The following SLC49A4 variants were observed in gnomAD, a reference collection of about 807,000 sequenced individuals.
The protein encoded by SLC49A4 is disrupted in renal cancer protein 2.
A neutral mutation model predicts 50.6 loss-of-function variants in SLC49A4; 36 were observed. The observed-to-expected ratio is 0.71, with a 90% confidence interval of 0.55 to 0.94. SLC49A4 has a LOEUF of 0.94. SLC49A4 is among the 40% of genes least tolerant of loss of function. The pLI is 0.00. For missense variants in SLC49A4, 503 were observed against 605.7 expected, an observed-to-expected ratio of 0.83 and a Z score of 1.78; for synonymous variants, 248 against 241.2, an observed-to-expected ratio of 1.03 and a Z score of -0.26.
At chr3:122,844,986 T>C (rs1296025464) in intron 4 of SLC49A4, among the ~76,000 whole-genome samples, 1 of 152,120 alleles carries the variant, frequency 6.6e-6, no homozygotes, top group Admixed American at 6.6e-5. Context: ...ACTTTTAGGC[T>C]CAGGGTACGT....
rs758995015 is a variant in SLC49A4 at position 122,872,600 on chromosome 3, A to G, written c.1321+3A>G. On this transcript the variant is annotated splice_donor_region_variant and intron_variant, in intron 8 of 8. Transcript: ENST00000261038. ...TTTTCTCACATTTTATCATACAGGT[A>G]AGAAATTTGATTTTTTATTTACTAT... is the stretch of plus-strand genomic sequence containing the variant. 2 of 1,564,998 alleles carry G rather than the reference A, an allele frequency of 1.3e-6. No individual in the cohort carries two copies. Among genetic ancestry groups the G allele is most frequent in the African/African-American group, 1.4e-5 (1 of 72,520 alleles).
At chr3:122,804,250 A>G (rs1576290067) in intron 1 of SLC49A4, among the ~76,000 whole-genome samples, 1 of 152,310 alleles carries the variant, frequency 6.6e-6, no homozygotes, top group Non-Finnish European at 1.5e-5. Context: ...CACACTTTTA[A>G]TGGGCCAGAT....
At chr3:122,796,579 A>G (rs78950981) in intron 1 of SLC49A4, among the ~76,000 whole-genome samples, 7,672 of 152,310 alleles carry the variant, frequency 0.05, 264 homozygotes, top group Middle Eastern at 0.11. Context: ...TCACTATAAC[A>G]TAAGATGGAA....
At chr3:122,799,457 A>G (rs1408546790) in intron 1 of SLC49A4, among the ~76,000 whole-genome samples, 2 of 152,198 alleles carry the variant, frequency 1.3e-5, no homozygotes, top group Admixed American at 6.5e-5. Context: ...AGAAAGAGCA[A>G]TAAGGCCTTT....
intron 2 of SLC49A4, among the ~76,000 whole-genome samples, chr3:122,812,815 T>G (rs969822344): frequency 6.6e-6 from 1 of 152,228 alleles, no homozygotes; most frequent in African/African-American, 2.4e-5. Flanking sequence ...TCTGTTTGCC[T>G]TAATTTGACT....
intron 1 of SLC49A4, among the ~76,000 whole-genome samples, chr3:122,802,409 G>T (rs889412517): frequency 6.6e-6 from 1 of 152,096 alleles, no homozygotes; most frequent in Non-Finnish European, 1.5e-5. Context: ...CAACAGAGGA[G>T]GAAACTTTAC....
intron 7 of SLC49A4, among the ~76,000 whole-genome samples, chr3:122,871,049 A>AT: frequency 1.3e-5 from 2 of 152,246 alleles, no homozygotes; most frequent in Middle Eastern, 6.8e-3. Context: ...ATTATGTCAC[A>AT]TTTTAAATGG....
Position 122,872,892 on chromosome 3 carries a change from C to G in SLC49A4, c.1321+295C>G, listed in dbSNP as rs568307090. ...ATTTTTAAAATCCTCCCCACCCCCA[C>G]GCCTTACCCTACCAGGTGATTCAAA... On this transcript the variant is annotated intron_variant, in intron 8 of 8. Transcript: ENST00000261038. Among the ~76,000 whole-genome samples, 18 of 151,812 alleles carry G rather than the reference C, an allele frequency of 1.2e-4. No individual in the cohort carries two copies. The South Asian group carries it at 3.8e-3, about 32-fold the overall frequency.
intron 2 of SLC49A4, among the ~76,000 whole-genome samples, chr3:122,825,182 G>C (rs1936509491): frequency 2.0e-5 from 3 of 152,126 alleles, no homozygotes; most frequent in Admixed American, 2.0e-4. Context: ...CTCATTAAAA[G>C]TATCAAATAT....
rs775169690 is a variant in SLC49A4 at position 122,810,683 on chromosome 3, G to T, written c.437+3733G>T. Among the ~76,000 whole-genome samples the T allele has an allele frequency of 2.6e-5, 4 of 152,280 alleles. No homozygotes were observed. The East Asian group carries it at 7.7e-4, about 29-fold the overall frequency. ...CATGCCACATTATCTTTTCAGTTCG[G>T]TGTAATTTTCATTAATATTAACAAT... is the stretch of plus-strand genomic sequence containing the variant. On this transcript the variant is annotated intron_variant, in intron 2 of 8. Transcript: ENST00000261038.
At chr3:122,821,920 G>T (rs187666470) in intron 2 of SLC49A4, among the ~76,000 whole-genome samples, 13 of 152,262 alleles carry the variant, frequency 8.5e-5, no homozygotes, top group South Asian at 2.1e-4. Flanking sequence ...CAATAGAACT[G>T]ATCTGATGTA....
At chr3:122,802,874 T>TA (rs1162820448) in intron 1 of SLC49A4, among the ~76,000 whole-genome samples, 1 of 151,772 alleles carries the variant, frequency 6.6e-6, no homozygotes, top group Non-Finnish European at 1.5e-5. Flanking sequence ...CACAGAGAAA[T>TA]AAAGACTAAA....
intron 5 of SLC49A4, among the ~76,000 whole-genome samples, chr3:122,855,861 G>A (rs1372926997): frequency 6.6e-6 from 1 of 152,152 alleles, no homozygotes; most frequent in African/African-American, 2.4e-5. Context: ...TTGAAACCCA[G>A]CTCAACTTCT....
chr3:122,803,541 T>C (rs1236156933), intron 1 of SLC49A4, among the ~76,000 whole-genome samples: 1 of 152,136 alleles, frequency 6.6e-6, no homozygotes, highest in Non-Finnish European at 1.5e-5. Context: ...CCAAGGCAGA[T>C]TGGGGTGACA....
At chr3:122,850,092 A>T (rs1936906446) in intron 5 of SLC49A4, among the ~76,000 whole-genome samples, 1 of 152,224 alleles carries the variant, frequency 6.6e-6, no homozygotes, top group South Asian at 2.1e-4. Context: ...AAAATATAAA[A>T]ACTGTTCTTG....
chr3:122,806,770 A>C, intron 1 of SLC49A4, 87 bp from the exon 2 acceptor site: 1 of 799,134 alleles, frequency 1.3e-6, no homozygotes, highest in African/African-American at 1.7e-5. Context: ...ATATAATGTC[A>C]GTATGATTGA....
intron 4 of SLC49A4, among the ~76,000 whole-genome samples, chr3:122,842,146 G>A (rs1204207917): frequency 6.6e-6 from 1 of 151,762 alleles, no homozygotes; most frequent in Non-Finnish European, 1.5e-5. Flanking sequence ...CTATTCTTTA[G>A]GAAATGAGTC....
chr3:122,807,060 C>G, intron 2 of SLC49A4, 110 bp downstream of exon 2: 1 of 579,848 alleles, frequency 1.7e-6, no homozygotes, highest in East Asian at 3.2e-5. Context: ...TTTTTTTACT[C>G]TATATGATGA....
Position 122,850,008 on chromosome 3 carries a change from G to A in SLC49A4, c.942+4137G>A, listed in dbSNP as rs188609408. Among the ~76,000 whole-genome samples the A allele has an allele frequency of 4.6e-5, 7 of 151,774 alleles. No individual in the cohort carries two copies. The East Asian group carries it at 9.7e-4, about 21-fold the overall frequency. ...TTTAGAAAAAAAAAAAGTGCAGCTC[G>A]CTGCCAGCACTCATTTAATTTTATA... On this transcript the variant is annotated intron_variant, in intron 5 of 8. Transcript: ENST00000261038.
Sources: allele counts gnomAD v4.1 joint callset (sites outside exome capture counted in the v4.1 genomes callset), GRCh38; gene constraint gnomAD v4.1.1; transcripts MANE v1.5; gene names NCBI Gene and HGNC (gene_info 2026-07-23, HGNC 2026-07-21).